Variants in MAGI2 observed in about 807,000 individuals in gnomAD.
The protein encoded by MAGI2 is membrane-associated guanylate kinase, WW and PDZ domain-containing protein 2.
MAGI2 carries 35 observed loss-of-function variants against 133.3 expected under a neutral mutation model. That is an observed-to-expected ratio of 0.26 (90% CI 0.20 to 0.35). MAGI2 has a LOEUF of 0.35. Among genes scored for constraint, MAGI2 ranks in the 10% least tolerant of loss-of-function variants. The probability of loss-of-function intolerance (pLI) is 1.00; values close to 1 mark genes in which losing one functional copy is unlikely to be tolerated. For synonymous variants in MAGI2, 729 were observed against 710.6 expected, an observed-to-expected ratio of 1.03 and a Z score of -0.41; for missense variants, 1,636 against 1,863.4, an observed-to-expected ratio of 0.88 and a Z score of 2.25.
intron 2 of MAGI2, among the ~76,000 whole-genome samples, chr7:78,640,828 T>G (rs1810214479): frequency 6.6e-6 from 1 of 152,246 alleles, no homozygotes; most frequent in African/African-American, 2.4e-5. Context: ...AACTAGGCTA[T>G]GGGGCATTAG....
intron 1 of MAGI2, among the ~76,000 whole-genome samples, chr7:79,200,536 A>G (rs1828511758): frequency 6.6e-6 from 1 of 151,310 alleles, no homozygotes; most frequent in African/African-American, 2.4e-5. Context: ...GCTTAAACCC[A>G]GGAGGTTGAG....
At chr7:78,245,009 C>T (rs947194673) in intron 10 of MAGI2, among the ~76,000 whole-genome samples, 4 of 152,076 alleles carry the variant, frequency 2.6e-5, no homozygotes, top group African/African-American at 9.7e-5. Flanking sequence ...TAGAAATTTC[C>T]ATAATCCTCA....
chr7:78,098,166 G>T (rs189813779), intron 20 of MAGI2, among the ~76,000 whole-genome samples: 1 of 152,212 alleles, frequency 6.6e-6, no homozygotes, highest in Admixed American at 6.5e-5. Flanking sequence ...ATGTCTTCAG[G>T]ATAGAGTTGG....
Position 78,931,194 on chromosome 7 carries a change from T to C in MAGI2, c.418+75896A>G, listed in dbSNP as rs566103031. 3.9e-5 allele frequency among the ~76,000 whole-genome samples: 6 copies of C among 152,238 alleles called. No homozygotes were observed. In the South Asian group the frequency reaches 6.2e-4, roughly 16 times the overall value. On this transcript the variant is annotated intron_variant, in intron 2 of 21. Coordinates refer to ENST00000354212, the MANE Select transcript of MAGI2 (RefSeq NM_012301.4). ...ATGAGTGAAGAGTGGCAGTCATTCTTATAGGTAGTTGCAAAAGCAGAGACC... is the reference window on the plus strand; with the variant it reads ...ATGAGTGAAGAGTGGCAGTCATTCTCATAGGTAGTTGCAAAAGCAGAGACC...
intron 9 of MAGI2, among the ~76,000 whole-genome samples, chr7:78,280,534 A>G (rs138161424): frequency 7.2e-5 from 11 of 152,290 alleles, no homozygotes; most frequent in Admixed American, 7.2e-4. Context: ...ATTGATATTT[A>G]TTAAGTATTC....
chr7:78,306,801 G>A (rs1798275420), intron 9 of MAGI2, among the ~76,000 whole-genome samples: 1 of 152,116 alleles, frequency 6.6e-6, no homozygotes, highest in Admixed American at 6.5e-5. Flanking sequence ...AAAGTCATTG[G>A]TATGGTTTTA....
chr7:78,592,804 G>GC (rs1804153131), intron 3 of MAGI2, among the ~76,000 whole-genome samples: 1 of 146,956 alleles, frequency 6.8e-6, no homozygotes, highest in African/African-American at 2.5e-5. Context: ...GCCCTTGCAT[G>GC]CCCTCCGAAA....
chr7:79,067,637 C>T (rs1471676201), intron 1 of MAGI2, among the ~76,000 whole-genome samples: 1 of 152,186 alleles, frequency 6.6e-6, no homozygotes. Flanking sequence ...ACTTCCAATA[C>T]TATGTTGAAC....
In MAGI2 at chr7:79,228,354, C is replaced by CAAAAAAAAAAAAAAAAA. The variant is rs746424350; in HGVS notation, c.302-221149_302-221148insTTTTTTTTTTTTTTTTT. ...CAAGACCCTGTCTCAAAAAAACAGG[C>CAAAAAAAAAAAAAAAAA]AAAAAAAAAAAAAAAAGATCGTGGG... On this transcript the variant is annotated intron_variant, in intron 1 of 21. Transcript: ENST00000354212. Among the ~76,000 whole-genome samples, 38 of 31,418 alleles carry CAAAAAAAAAAAAAAAAA rather than the reference C, an allele frequency of 1.2e-3. 6 individuals carry two copies. Among genetic ancestry groups the CAAAAAAAAAAAAAAAAA allele is most frequent in the South Asian group, 2.5e-3 (1 of 394 alleles). The allele number at this position is 31,418 out of a possible 152,430, so 20.6% of individuals were successfully genotyped here.
chr7:78,849,771 C>A lies in MAGI2; in HGVS notation c.418+157319G>T, dbSNP rs567970568. Among the ~76,000 whole-genome samples, 9 of 152,078 alleles carry A rather than the reference C, an allele frequency of 5.9e-5. No homozygotes were observed. In the South Asian group the frequency reaches 1.9e-3, roughly 32 times the overall value. On this transcript the variant is annotated intron_variant, in intron 2 of 21. Coordinates refer to ENST00000354212, the MANE Select transcript of MAGI2 (RefSeq NM_012301.4). ...AGATTGATATAATACTTAATAATGT[C>A]TCAGAAATGATTTTGGGGAGTGGTA...
intron 1 of MAGI2, chr7:79,411,544 C>G (rs1169065399): frequency 2.0e-5 from 3 of 152,172 alleles, no homozygotes; most frequent in African/African-American, 7.2e-5. Context: ...TCCTCTGGAG[C>G]TTTCACAAAG....
chr7:78,266,768 C>CG (rs1156659817), intron 9 of MAGI2, among the ~76,000 whole-genome samples: 1 of 151,172 alleles, frequency 6.6e-6, no homozygotes, highest in Non-Finnish European at 1.5e-5. Context: ...TTAGTAGAGA[C>CG]GGGGTTTCAC....
chr7:79,206,985 T>A (rs1829111556), intron 1 of MAGI2, among the ~76,000 whole-genome samples: 1 of 151,906 alleles, frequency 6.6e-6, no homozygotes, highest in African/African-American at 2.4e-5. Context: ...TTTAAATAGA[T>A]GCCTTAAAAT....
At chr7:79,403,354 GT>G in intron 1 of MAGI2, among the ~76,000 whole-genome samples, 1 of 152,024 alleles carries the variant, frequency 6.6e-6, no homozygotes, top group East Asian at 1.9e-4. Context: ...TCAGCTGTTA[GT>G]TTTTTGAATA....
At chr7:78,882,688 C>T (rs1297654880) in intron 2 of MAGI2, among the ~76,000 whole-genome samples, 1 of 152,058 alleles carries the variant, frequency 6.6e-6, no homozygotes, top group Non-Finnish European at 1.5e-5. Context: ...TTCTGGGATG[C>T]AAGGTTGGTT....
chr7:78,439,364 A>G (rs181663550), intron 6 of MAGI2, among the ~76,000 whole-genome samples: 37 of 129,450 alleles, frequency 2.9e-4, no homozygotes, highest in Non-Finnish European at 2.5e-4. Flanking sequence ...TGGTGCCCAG[A>G]GTAATTACAG....
intron 21 of MAGI2, among the ~76,000 whole-genome samples, chr7:78,047,920 G>A (rs3779329): frequency 0.15 from 22,125 of 152,196 alleles, 1,897 homozygotes; most frequent in African/African-American, 0.23. Flanking sequence ...CTCAGATGCC[G>A]CCATATTCTT....
intron 1 of MAGI2, among the ~76,000 whole-genome samples, chr7:79,405,968 A>AGGTGGGTTATAAAGACAG (rs1845778921): frequency 6.6e-6 from 1 of 151,666 alleles, no homozygotes; most frequent in East Asian, 1.9e-4. Context: ...TTATGACAAA[A>AGGTGGGTTATAAAGACAG]TAAGAATAAC....
At chr7:78,215,539 TAG>T (rs561996318) in intron 10 of MAGI2, among the ~76,000 whole-genome samples, 145 of 152,208 alleles carry the variant, frequency 9.5e-4, no homozygotes, top group African/African-American at 3.1e-3. Flanking sequence ...ACTATGCACT[TAG>T]AGTGATGATT....
Sources: allele counts gnomAD v4.1 joint callset (sites outside exome capture counted in the v4.1 genomes callset), GRCh38; gene constraint gnomAD v4.1.1; transcripts MANE v1.5; gene names NCBI Gene and HGNC (gene_info 2026-07-23, HGNC 2026-07-21).